INPP4B: variants seen among roughly 807,000 people sequenced by gnomAD.
INPP4B encodes the protein inositol polyphosphate 4-phosphatase type II.
A neutral mutation model predicts 122.5 loss-of-function variants in INPP4B; 55 were observed. The observed-to-expected ratio is 0.45, with a 90% CI of 0.36 to 0.56. The LOEUF is 0.56. Among genes scored for constraint, INPP4B ranks in the 20% least tolerant of loss-of-function variants. The pLI is 0.00. For synonymous variants in INPP4B, 403 were observed against 388.7 expected, an observed-to-expected ratio of 1.04 and a Z score of -0.43; for missense variants, 1,000 against 1,097.7, an observed-to-expected ratio of 0.91 and a Z score of 1.26.
intron 7 of INPP4B, among the ~76,000 whole-genome samples, chr4:142,327,344 T>C (rs1772758058): frequency 6.6e-6 from 1 of 152,054 alleles, no homozygotes; most frequent in Admixed American, 6.6e-5. Flanking sequence ...ATTGACAACC[T>C]GGACTTTGAT....
chr4:142,259,618 T>C (rs1372075764), intron 11 of INPP4B, among the ~76,000 whole-genome samples: 1 of 151,490 alleles, frequency 6.6e-6, no homozygotes, highest in Non-Finnish European at 1.5e-5. Flanking sequence ...TAAATTAACC[T>C]AGGATTACTA....
chr4:142,215,879 C>A (rs1846936474), intron 12 of INPP4B, among the ~76,000 whole-genome samples: 2 of 91,410 alleles, frequency 2.2e-5, no homozygotes, highest in Non-Finnish European at 4.0e-5. Context: ...GGCAACAGAC[C>A]AAGACTCTGT....
chr4:142,082,060 G>T lies in INPP4B; in HGVS notation c.2613C>A (p.Phe871Leu). ...TCATGCAATCCAGCGCTCGGATAAA[G>T]AAGTCCTTGTGTAACTGGTGCTCAT... is the stretch of plus-strand genomic sequence containing the variant. ...LRDEHQLHKDFFIRALDCMRR... is the reference protein window; with the variant it reads ...LRDEHQLHKDLFIRALDCMRR... The change falls in exon 25 of 26, where the codon TTC becomes TTA. Residue 871 changes from phenylalanine to leucine, a missense_variant. Coordinates refer to ENST00000262992, the MANE Select transcript of INPP4B (RefSeq NM_001101669.3). 1 of 1,473,690 alleles carries T rather than the reference G, an allele frequency of 6.8e-7. No homozygotes were observed. The highest frequency in any genetic ancestry group is 9.2e-7 in the Non-Finnish European group (1 of 1,087,430). 91.3% of individuals were successfully genotyped at this position (1,473,690 alleles called of 1,614,324 possible).
At chr4:142,030,024 T>C (rs1738796578) in intron 25 of INPP4B, 4 of 1,380,458 alleles carry the variant, frequency 2.9e-6, no homozygotes, top group East Asian at 2.5e-5. Flanking sequence ...TTTAACATTT[T>C]TTAAATTCTG....
intron 17 of INPP4B, among the ~76,000 whole-genome samples, chr4:142,153,719 A>G (rs1340302775): frequency 6.6e-6 from 1 of 152,234 alleles, no homozygotes; most frequent in East Asian, 1.9e-4. Context: ...CTATCCATTC[A>G]CTTATTCCTA....
chr4:142,590,899 A>G, intron 2 of INPP4B, among the ~76,000 whole-genome samples: 1 of 150,364 alleles, frequency 6.7e-6, no homozygotes, highest in East Asian at 1.9e-4. Flanking sequence ...AAAAAAAAAA[A>G]ACAAAAGAAC....
chr4:142,271,799 G>C (rs1169601536), intron 9 of INPP4B, among the ~76,000 whole-genome samples: 1 of 152,110 alleles, frequency 6.6e-6, no homozygotes, highest in Non-Finnish European at 1.5e-5. Context: ...AATAATATAA[G>C]ATTTTCACCA....
intron 1 of INPP4B, among the ~76,000 whole-genome samples, chr4:142,728,734 A>C (rs1765668093): frequency 6.6e-6 from 1 of 152,138 alleles, no homozygotes. Context: ...GAAAGGCATC[A>C]AGCAGATTCT....
At chr4:142,829,305 C>T (rs562750403) in intron 1 of INPP4B, among the ~76,000 whole-genome samples, 1 of 152,048 alleles carries the variant, frequency 6.6e-6, no homozygotes, top group Admixed American at 6.6e-5. Context: ...TGACCCCTGA[C>T]TTCTGACGGA....
At chr4:142,624,458 C>G (rs1300165240) in intron 2 of INPP4B, among the ~76,000 whole-genome samples, 3 of 151,836 alleles carry the variant, frequency 2.0e-5, no homozygotes, top group Non-Finnish European at 4.4e-5. Flanking sequence ...ATTGTAGATG[C>G]TGGATATTAG....
chr4:142,666,251 A>C (rs1303543104), intron 2 of INPP4B, among the ~76,000 whole-genome samples: 1 of 152,156 alleles, frequency 6.6e-6, no homozygotes, highest in Non-Finnish European at 1.5e-5. Flanking sequence ...ATTTTTCTGC[A>C]AGAAACAGTT....
intron 3 of INPP4B, among the ~76,000 whole-genome samples, chr4:142,431,590 T>C (rs919198366): frequency 3.3e-5 from 5 of 152,148 alleles, no homozygotes; most frequent in African/African-American, 1.2e-4. Context: ...TACATAGTCA[T>C]ATGAAAGATT....
intron 2 of INPP4B, among the ~76,000 whole-genome samples, chr4:142,505,109 T>A (rs1254358001): frequency 6.6e-6 from 1 of 151,846 alleles, no homozygotes; most frequent in Non-Finnish European, 1.5e-5. Flanking sequence ...GGTATAGTGG[T>A]ATGCCTGTAG....
chr4:142,382,320 C>T (rs983134460), intron 7 of INPP4B, among the ~76,000 whole-genome samples: 1 of 151,564 alleles, frequency 6.6e-6, no homozygotes, highest in African/African-American at 2.4e-5. Context: ...AACAGCCTGG[C>T]CAACATGGTG....
At chr4:142,151,637 T>C (rs975669912) in intron 17 of INPP4B, among the ~76,000 whole-genome samples, 1 of 152,200 alleles carries the variant, frequency 6.6e-6, no homozygotes, top group Non-Finnish European at 1.5e-5. Context: ...TTAATCTTCA[T>C]TGATCACCCT....
intron 11 of INPP4B, among the ~76,000 whole-genome samples, chr4:142,249,202 T>C (rs1235906789): frequency 6.6e-6 from 1 of 152,102 alleles, no homozygotes; most frequent in Non-Finnish European, 1.5e-5. Context: ...TTGTTAGGTA[T>C]ACAAAAATAC....
At chr4:142,701,891 A>G (rs1296682151) in intron 2 of INPP4B, among the ~76,000 whole-genome samples, 1 of 152,224 alleles carries the variant, frequency 6.6e-6, no homozygotes, top group African/African-American at 2.4e-5. Context: ...TTACTCAAAT[A>G]TTCTAGATAT....
intron 2 of INPP4B, among the ~76,000 whole-genome samples, chr4:142,565,017 G>A (rs150476598): frequency 8.1e-4 from 123 of 152,070 alleles, no homozygotes; most frequent in Admixed American, 2.8e-3. Flanking sequence ...CACACACTTC[G>A]CATTTAGTTG....
intron 11 of INPP4B, among the ~76,000 whole-genome samples, chr4:142,256,162 C>G (rs1708529009): frequency 6.7e-6 from 1 of 149,646 alleles, no homozygotes; most frequent in Non-Finnish European, 1.5e-5. Context: ...CCAACGAGAA[C>G]AAAGACACAA....
Sources: gnomAD v4.1 joint callset for allele counts (sites outside exome capture counted in the v4.1 genomes callset) on GRCh38, gnomAD v4.1.1 for gene constraint, MANE v1.5 for transcripts, NCBI Gene and HGNC (gene_info 2026-07-23, HGNC 2026-07-21) for gene names.